PTBP2: variants seen among roughly 807,000 people sequenced by gnomAD.
PTBP2 encodes the protein polypyrimidine tract binding protein 2.
Under a neutral mutation model 61.4 loss-of-function variants are expected in PTBP2, and 13 were observed. The observed-to-expected ratio is 0.21, with a 90% CI of 0.14 to 0.34. The LOEUF is 0.34. Ranked by LOEUF, PTBP2 falls within the 10% of genes least tolerant of loss-of-function variation. The pLI is 1.00. For synonymous variants in PTBP2, 215 were observed against 218.5 expected (o/e 0.98, Z 0.14); for missense variants, 405 against 642.6 (o/e 0.63, Z 4.00).
chr1:96,735,883 A>G (rs1478246097), intron 2 of PTBP2, among the ~76,000 whole-genome samples: 1 of 152,182 alleles, frequency 6.6e-6, no homozygotes, highest in Non-Finnish European at 1.5e-5. Context: ...ATGAGTTCTT[A>G]GATTTAGGAG....
At chr1:96,780,890 G>T (rs905882958) in intron 7 of PTBP2, among the ~76,000 whole-genome samples, 1 of 152,034 alleles carries the variant, frequency 6.6e-6, no homozygotes, top group South Asian at 2.1e-4. Context: ...TCATTAACAA[G>T]CCAGTAAACA....
Position 96,802,990 on chromosome 1 carries a change from A to G in PTBP2, c.905-1810A>G, listed in dbSNP as rs181958904. On this transcript the variant is annotated intron_variant, in intron 8 of 13. Transcript: ENST00000674951. ...TGCAAGAAAAAAAATTGTTGTGTGTAGGAATGTTTGCCTAGGAATTAGGAA... is the reference window on the plus strand; with the variant it reads ...TGCAAGAAAAAAAATTGTTGTGTGTGGGAATGTTTGCCTAGGAATTAGGAA... Among the ~76,000 whole-genome samples the G allele has an allele frequency of 1.4e-3, 209 of 152,292 alleles. 2 individuals carry two copies. The highest frequency in any genetic ancestry group is 4.6e-3 in the African/African-American group (190 of 41,580).
At chr1:96,799,363 T>G (rs1341511790) in intron 8 of PTBP2, among the ~76,000 whole-genome samples, 2 of 144,588 alleles carry the variant, frequency 1.4e-5, no homozygotes, top group African/African-American at 5.2e-5. Context: ...TGGTGCGATC[T>G]CGGCTCACTG....
At chr1:96,805,016 G>T in intron 9 of PTBP2, 77 bp downstream of exon 9, 2 of 1,255,588 alleles carry the variant, frequency 1.6e-6, no homozygotes, top group South Asian at 1.8e-5. Flanking sequence ...ATTTCATTTT[G>T]CACTTGCCTT....
intron 2 of PTBP2, among the ~76,000 whole-genome samples, chr1:96,728,129 G>A (rs539526411): frequency 6.6e-6 from 1 of 152,152 alleles, no homozygotes; most frequent in South Asian, 2.1e-4. Flanking sequence ...TAGGACTATA[G>A]GCACACAGCA....
intron 11 of PTBP2, 134 bp from the exon 12 acceptor site, chr1:96,812,578 C>G: frequency 1.4e-6 from 1 of 729,026 alleles, no homozygotes; most frequent in Non-Finnish European, 2.2e-6. Context: ...GTCTTATCAC[C>G]AGTGGCTATG....
chr1:96,725,384 C>G (rs1650273724), intron 2 of PTBP2, among the ~76,000 whole-genome samples: 1 of 150,272 alleles, frequency 6.7e-6, no homozygotes, highest in Non-Finnish European at 1.5e-5. Context: ...ACTACAAGCT[C>G]CGCCTTCCGG....
At chr1:96,756,489 C>A (rs1268425894) in intron 3 of PTBP2, among the ~76,000 whole-genome samples, 1 of 152,204 alleles carries the variant, frequency 6.6e-6, no homozygotes, top group Admixed American at 6.5e-5. Flanking sequence ...GAAAGTAGCA[C>A]ATGGATGTTT....
intron 5 of PTBP2, 40 bp downstream of exon 5, chr1:96,770,891 A>G (rs1657299431): frequency 2.0e-6 from 3 of 1,478,578 alleles, no homozygotes; most frequent in Non-Finnish European, 2.8e-6. Flanking sequence ...GGCCTAGAAC[A>G]TATTATGAAT....
intron 7 of PTBP2, 92 bp downstream of exon 7, chr1:96,778,038 G>C: frequency 2.0e-6 from 1 of 508,116 alleles, no homozygotes; most frequent in Non-Finnish European, 3.3e-6. Flanking sequence ...ATGATATCTT[G>C]TAGCATTACA....
chr1:96,790,932 C>T (rs1659718310), intron 8 of PTBP2, among the ~76,000 whole-genome samples: 1 of 151,742 alleles, frequency 6.6e-6, no homozygotes, highest in Non-Finnish European at 1.5e-5. Context: ...AATTCATGCC[C>T]ATAAAACAAA....
At chr1:96,771,032 T>A in intron 5 of PTBP2, 181 bp downstream of exon 5, 1 of 483,520 alleles carries the variant, frequency 2.1e-6, no homozygotes, top group Non-Finnish European at 3.5e-6. Context: ...TTGAATTCCT[T>A]TAATCCCCTG....
chr1:96,745,185 T>A (rs549831422), intron 2 of PTBP2, among the ~76,000 whole-genome samples: 92 of 149,474 alleles, frequency 6.2e-4, no homozygotes, highest in Non-Finnish European at 9.8e-4. Context: ...TTTTTTTTTT[T>A]AGAGTCTTGC....
At chr1:96,781,830 A>G (rs773232098) in intron 7 of PTBP2, among the ~76,000 whole-genome samples, 9 of 152,136 alleles carry the variant, frequency 5.9e-5, no homozygotes, top group Non-Finnish European at 2.9e-5. Flanking sequence ...TTAATTATCA[A>G]TAAAAAGTAT....
At chr1:96,767,981 G>A (rs536974162) in intron 3 of PTBP2, among the ~76,000 whole-genome samples, 3 of 152,124 alleles carry the variant, frequency 2.0e-5, no homozygotes, top group Non-Finnish European at 4.4e-5. Context: ...TTGGCTTGCC[G>A]TTCAAGTATA....
At chr1:96,734,475 T>A (rs1651873458) in intron 2 of PTBP2, among the ~76,000 whole-genome samples, 3 of 152,060 alleles carry the variant, frequency 2.0e-5, no homozygotes, top group Middle Eastern at 6.8e-3. Context: ...TTTTTTTTTT[T>A]AGTGGGGGAA....
intron 8 of PTBP2, among the ~76,000 whole-genome samples, chr1:96,797,965 A>G (rs1015199054): frequency 6.6e-6 from 1 of 151,550 alleles, no homozygotes. Flanking sequence ...AGTCCCAGCT[A>G]CTCGGGAGGC....
Position 96,785,073 on chromosome 1 carries a change from G to T in PTBP2, c.723G>T (p.Gln241His). Residue 241 changes from glutamine (Q) to histidine (H), a missense_variant, in exon 8 of 14, where the codon CAG becomes CAT. Coordinates refer to ENST00000674951, the MANE Select transcript of PTBP2 (RefSeq NM_021190.4). ...AQQAKLALDG[Q>H]NIYNACCTLR... ...CACTTTTACAGGCCCTAGATGGTCA[G>T]AATATTTATAATGCCTGCTGTACCC... The T allele has an allele frequency of 6.3e-7, 1 of 1,593,490 alleles. No homozygotes were observed. The highest frequency in any genetic ancestry group is 1.1e-5 in the South Asian group (1 of 88,390).
intron 3 of PTBP2, among the ~76,000 whole-genome samples, chr1:96,753,108 T>C (rs563465358): frequency 3.3e-5 from 5 of 152,298 alleles, no homozygotes; most frequent in African/African-American, 1.2e-4. Flanking sequence ...GAATTTAGTA[T>C]GGTCATTTCA....
Sources: gnomAD v4.1 joint callset for allele counts (sites outside exome capture counted in the v4.1 genomes callset) on GRCh38, gnomAD v4.1.1 for gene constraint, MANE v1.5 for transcripts, NCBI Gene and HGNC (gene_info 2026-07-23, HGNC 2026-07-21) for gene names.